The following POLD1 variants were observed in gnomAD, a reference collection of about 807,000 sequenced individuals.
The protein encoded by POLD1 is DNA polymerase delta catalytic subunit.
POLD1 carries 79 observed loss-of-function variants against 129.7 expected under a neutral mutation model. The observed-to-expected ratio is 0.61, with a 90% CI of 0.51 to 0.73. The LOEUF (loss-of-function observed/expected upper bound fraction) is 0.73, where lower values mean the gene tolerates loss of function less well. Ranked by LOEUF, POLD1 falls within the 30% of genes least tolerant of loss-of-function variation. The pLI, the probability that POLD1 is intolerant of heterozygous loss-of-function variation, is 0.00. For synonymous variants in POLD1, 714 were observed against 683.3 expected (o/e 1.04, Z -0.70); for missense variants, 1,338 against 1,595.8 (o/e 0.84, Z 2.75).
intron 17 of POLD1, among the ~76,000 whole-genome samples, chr19:50,412,713 TTGGTGGTGG>T (rs149765706): frequency 2.0e-5 from 3 of 151,258 alleles, no homozygotes; most frequent in South Asian, 2.1e-4. Flanking sequence ...AGCCTCAGGT[TTGGTGGTGG>T]TGGTGGTGGT....
chr19:50,401,069 CTTG>C, intron 3 of POLD1, among the ~76,000 whole-genome samples: 1 of 151,412 alleles, frequency 6.6e-6, no homozygotes, highest in Non-Finnish European at 1.5e-5. Flanking sequence ...AGGCTGATCA[CTTG>C]AGGACAGGAG....
intron 13 of POLD1, 25 bp from the exon 14 acceptor site, chr19:50,407,302 C>T: frequency 6.2e-7 from 1 of 1,602,092 alleles, no homozygotes; most frequent in South Asian, 1.1e-5. Flanking sequence ...ATACCCACTC[C>T]ATTTCCCACC....
intron 9 of POLD1, 132 bp from the exon 10 acceptor site, chr19:50,403,361 A>C: frequency 8.9e-7 from 1 of 1,118,468 alleles, no homozygotes; most frequent in Non-Finnish European, 1.3e-6. Context: ...CCCCTGTGCA[A>C]TTAGGCTTGA....
In POLD1 at chr19:50,414,862, G is replaced by A; in HGVS notation, c.2436G>A (p.Leu812=). 1 of 1,604,632 alleles carries A rather than the reference G, an allele frequency of 6.2e-7. No individual in the cohort carries two copies. The highest frequency in any genetic ancestry group is 8.5e-7 in the Non-Finnish European group (1 of 1,173,940). Residue 812 remains leucine (L), a synonymous_variant, in exon 20 of 27, where the codon CTG becomes CTA. Transcript: ENST00000440232. ...TCAGCAAGAAGCGCTACGCGGGCCT[G>A]CTCTTCTCCTCCCGGCCCGACGCCC... ...LLISKKRYAG[L]LFSSRPDAHD...
At chr19:50,415,933 G>A (rs2039271108) in intron 22 of POLD1, 107 bp downstream of exon 22, 1 of 871,500 alleles carries the variant, frequency 1.1e-6, no homozygotes, top group South Asian at 1.8e-5. Flanking sequence ...TGCCCTGTGG[G>A]GCCCTGAGAA....
chr19:50,415,308 G>T, intron 20 of POLD1, 130 bp from the exon 21 acceptor site: 1 of 920,338 alleles, frequency 1.1e-6, no homozygotes. Context: ...GCCTATGGTA[G>T]GAAGGGCCCC....
Position 50,409,883 on chromosome 19 carries a change from C to T in POLD1, c.2154+217C>T, listed in dbSNP as rs2039032703. Among the ~76,000 whole-genome samples, 1 of 152,208 alleles carries T rather than the reference C, an allele frequency of 6.6e-6. No homozygotes were observed. Among genetic ancestry groups the T allele is most frequent in the Non-Finnish European group, 1.5e-5 (1 of 68,030 alleles). ...ACTGTGGTCAGGGCTCACTCTGTGC[C>T]CTGGGGATACAGAGGGGAACAAAAT... On this transcript the variant is annotated intron_variant, in intron 17 of 26. Coordinates refer to ENST00000440232, the MANE Select transcript of POLD1 (RefSeq NM_002691.4). The surrounding 1 kb of genome is among the most constrained non-coding windows in gnomAD (Gnocchi z 5.8).
chr19:50,389,901 TTTTTG>T (rs1206999506), intron 1 of POLD1, among the ~76,000 whole-genome samples: 1 of 150,954 alleles, frequency 6.6e-6, no homozygotes, highest in East Asian at 1.9e-4. Context: ...TTTTTTTTGT[TTTTTG>T]TTTTGTTTTT....
chr19:50,401,293 A>G (rs2122222308), intron 3 of POLD1, among the ~76,000 whole-genome samples: 1 of 144,146 alleles, frequency 6.9e-6, no homozygotes, highest in East Asian at 2.0e-4. Context: ...AACATATATT[A>G]TATATTAATA....
intron 7 of POLD1, 28 bp downstream of exon 7, chr19:50,402,563 G>A (rs1601202081): frequency 1.9e-6 from 3 of 1,577,754 alleles, no homozygotes; most frequent in Non-Finnish European, 2.6e-6. Flanking sequence ...GCAGGGCTGG[G>A]TGGGGAGCTG....
intron 24 of POLD1, 34 bp from the exon 25 acceptor site, chr19:50,417,011 G>C (rs2122502707): frequency 6.5e-7 from 1 of 1,542,070 alleles, no homozygotes. Context: ...TCCTGGCTGG[G>C]CCCCAGCACT....
rs746195458 is a variant in POLD1 at position 50,402,461 on chromosome 19, G to A, written c.766G>A (p.Val256Met). The part of the protein sequence containing the change: ...ANVDFEIRFM[V>M]DTDIVGCNWL... ...ACCCCCAGCCCCCTCCAGGTTCATG[G>A]TGGACACGGACATCGTCGGCTGCAA... The change falls in exon 7 of 27, where the codon GTG becomes ATG. Residue 256 changes from valine (V) to methionine (M), a missense_variant. Val to Met is a conservative substitution (Grantham distance 21). Transcript: ENST00000440232. The A allele has an allele frequency of 6.2e-7, 1 of 1,612,984 alleles. No individual in the cohort carries two copies. The highest frequency in any genetic ancestry group is 2.2e-5 in the East Asian group (1 of 44,846).
chr19:50,401,125 TA>T (rs1170268557), intron 3 of POLD1, among the ~76,000 whole-genome samples: 1 of 151,362 alleles, frequency 6.6e-6, no homozygotes, highest in Non-Finnish European at 1.5e-5. Context: ...CCGTCTCTAC[TA>T]AAAATTCAAA....
intron 2 of POLD1, among the ~76,000 whole-genome samples, 155 bp downstream of exon 2, chr19:50,399,208 G>A (rs2122199986): frequency 6.6e-6 from 1 of 152,218 alleles, no homozygotes; most frequent in South Asian, 2.1e-4. Context: ...AGCCTGTGTG[G>A]CCTACAGTGA....
intron 1 of POLD1, among the ~76,000 whole-genome samples, chr19:50,387,114 G>A (rs1159460580): frequency 6.6e-6 from 1 of 151,992 alleles, no homozygotes; most frequent in African/African-American, 2.4e-5. Flanking sequence ...ATCACTTGAG[G>A]TGAGGAGTTT....
intron 19 of POLD1, 120 bp downstream of exon 19, chr19:50,413,999 G>C: frequency 3.7e-6 from 4 of 1,087,624 alleles, no homozygotes; most frequent in South Asian, 3.6e-5. Context: ...AGATTCTCCT[G>C]AGGCTGGGGC....
chr19:50,397,024 G>A (rs1416842877), intron 1 of POLD1, among the ~76,000 whole-genome samples: 1 of 149,822 alleles, frequency 6.7e-6, no homozygotes, highest in Middle Eastern at 3.3e-3. Flanking sequence ...GAATCTGGGA[G>A]GCGGAGGTTG....
At chr19:50,402,958 G>C (rs965043298) in intron 8 of POLD1, 95 bp from the exon 9 acceptor site, 2 of 1,469,884 alleles carry the variant, frequency 1.4e-6, no homozygotes, top group African/African-American at 2.8e-5. Flanking sequence ...CCGGCAGGCA[G>C]CGGGGACAGC....
rs575352161 is a variant in POLD1, at chr19:50,417,385, C to G, written c.3218+116C>G. On this transcript the variant is annotated intron_variant, in intron 26 of 26. Transcript: ENST00000440232. ...CTCCTGAGCATCCTCCCCGCCCATC[C>G]CCTTCCAGCTGTGAGCTGTCCTGAG... 5.9e-6 allele frequency: 4 copies of G among 674,028 alleles called. No homozygotes were observed. In the East Asian group the frequency reaches 1.1e-4, roughly 18 times the overall value. The allele number at this position is 674,028 out of a possible 1,614,324, so 41.8% of individuals were successfully genotyped here. A position where few individuals can be genotyped will look rare whatever the true frequency, so the allele number is the denominator to read the frequency against.
Sources: allele counts gnomAD v4.1 joint callset (sites outside exome capture counted in the v4.1 genomes callset), GRCh38; gene constraint gnomAD v4.1.1; non-coding constraint Gnocchi (gnomAD v3.1); transcripts MANE v1.5; gene names NCBI Gene and HGNC (gene_info 2026-07-23, HGNC 2026-07-21).